The following SNX9 variants were observed in gnomAD, a reference collection of about 807,000 sequenced individuals.
SNX9 encodes the protein sorting nexin 9, also known as sorting nexin-9.
Under a neutral mutation model 89.4 loss-of-function variants are expected in SNX9, and 44 were observed. The observed-to-expected ratio is 0.49, with a 90% CI of 0.39 to 0.63. The LOEUF is 0.63. Among genes scored for constraint, SNX9 ranks in the 30% least tolerant of loss-of-function variants. SNX9 has a pLI of 0.00. For missense variants in SNX9, 578 were observed against 736.1 expected (o/e 0.79, Z 2.49); for synonymous variants, 236 against 247.8 (o/e 0.95, Z 0.45).
intron 1 of SNX9, among the ~76,000 whole-genome samples, chr6:157,862,641 A>G (rs1782163482): frequency 6.6e-6 from 1 of 152,236 alleles, no homozygotes; most frequent in Non-Finnish European, 1.5e-5. Flanking sequence ...TAGCTTTTGC[A>G]TTCTAACTCC....
At chr6:157,884,568 G>C (rs1782692777) in intron 4 of SNX9, among the ~76,000 whole-genome samples, 2 of 152,010 alleles carry the variant, frequency 1.3e-5, no homozygotes, top group South Asian at 4.2e-4. Flanking sequence ...TATTGAAAAG[G>C]TTCTTTCCAT....
intron 1 of SNX9, among the ~76,000 whole-genome samples, chr6:157,824,088 A>G (rs1781295596): frequency 6.6e-6 from 1 of 152,238 alleles, no homozygotes; most frequent in African/African-American, 2.4e-5. Context: ...GAGGGAAATG[A>G]CTGTGCTTTC....
intron 17 of SNX9, among the ~76,000 whole-genome samples, chr6:157,942,102 A>T (rs191011523): frequency 2.0e-5 from 3 of 152,250 alleles, no homozygotes; most frequent in Non-Finnish European, 2.9e-5. Context: ...CATGTATTTC[A>T]TCACTGTCTT....
rs146830182 is a variant in SNX9, at chr6:157,939,553, T to C, written c.1648+806T>C. Among the ~76,000 whole-genome samples, 1,007 of 152,246 alleles carry C rather than the reference T, an allele frequency of 6.6e-3. 11 individuals are homozygous for C. Among genetic ancestry groups the C allele is most frequent in the African/African-American group, 0.023 (966 of 41,530 alleles). On this transcript the variant is annotated intron_variant, in intron 16 of 17. Transcript: ENST00000392185. Reference sequence around the variant, plus strand: ...TGTTGTAGTCTGAGCTTTGAGGGCCTAAAGATGTGGTACTGGGGAGAAGAG... The same window carrying C: ...TGTTGTAGTCTGAGCTTTGAGGGCCCAAAGATGTGGTACTGGGGAGAAGAG...
intron 1 of SNX9, among the ~76,000 whole-genome samples, chr6:157,827,887 G>A (rs1010880057): frequency 1.2e-4 from 17 of 147,442 alleles, no homozygotes; most frequent in Admixed American, 1.2e-3. Context: ...TAACTCTTCG[G>A]TTCCAATACC....
At chr6:157,927,718 CTTTTTTTTTTT>C (rs761592456) in intron 11 of SNX9, among the ~76,000 whole-genome samples, 151 of 98,750 alleles carry the variant, frequency 1.5e-3, no homozygotes, top group African/African-American at 4.7e-3. Flanking sequence ...TAATTTTAAG[CTTTTTTTTTTT>C]TTTTTTTTTT....
intron 5 of SNX9, 130 bp from the exon 6 acceptor site, chr6:157,901,768 A>G (rs1783101372): frequency 2.0e-6 from 2 of 1,002,358 alleles, no homozygotes; most frequent in East Asian, 2.6e-5. Context: ...CTCCTATACT[A>G]TACCCTTTTC....
At chr6:157,885,774 G>A (rs755734566) in intron 4 of SNX9, among the ~76,000 whole-genome samples, 1 of 152,126 alleles carries the variant, frequency 6.6e-6, no homozygotes, top group Admixed American at 6.5e-5. Context: ...GTTAGCCTGC[G>A]ATTGGGAACT....
Position 157,944,537 on chromosome 6 carries a change from CTT to C in SNX9, c.*1703_*1704del, listed in dbSNP as rs1323044269. ...ATTCTCAAAGCACTTTTTCAAAACA[CTT>C]TTTGGACTTTGTGTGTGATTTTTGT... On this transcript the variant is annotated 3_prime_UTR_variant, in exon 18 of 18. Coordinates refer to ENST00000392185, the MANE Select transcript of SNX9 (RefSeq NM_016224.5). 6.6e-6 allele frequency: 1 copy of C among 152,410 alleles called. No individual in the cohort carries two copies. The highest frequency in any genetic ancestry group is 2.4e-5 in the African/African-American group (1 of 41,404). The allele number at this position is 152,410 out of a possible 1,614,324, so 9.4% of individuals were successfully genotyped here.
At chr6:157,825,472 G>A (rs1175902989) in intron 1 of SNX9, among the ~76,000 whole-genome samples, 1 of 152,100 alleles carries the variant, frequency 6.6e-6, no homozygotes, top group African/African-American at 2.4e-5. Flanking sequence ...AAATCGAAAA[G>A]TGGTTCTTGT....
chr6:157,901,991 C>T lies in SNX9; in HGVS notation c.566C>T (p.Ala189Val), dbSNP rs1443888375. 1.2e-6 allele frequency: 2 copies of T among 1,613,738 alleles called. No homozygotes were observed. The highest frequency in any genetic ancestry group is 1.7e-6 in the Non-Finnish European group (2 of 1,179,946). Residue 189 changes from alanine (A) to valine (V), a missense_variant, in exon 6 of 18, where the codon GCT (alanine) becomes GTT (valine). Transcript: ENST00000392185. ...TCAGAGTCAGCTGATGCAGGCGGCG[C>T]TCAGCGAGGAAACAGTCGTGCTAGT... ...KDSESADAGG[A>V]QRGNSRASSS...
At chr6:157,873,219 C>G (rs768469837) in intron 3 of SNX9, 43 bp downstream of exon 3, 5 of 1,456,884 alleles carry the variant, frequency 3.4e-6, no homozygotes, top group Non-Finnish European at 4.6e-6. Flanking sequence ...TCATCTTTGC[C>G]AGGCATCTTT....
intron 4 of SNX9, among the ~76,000 whole-genome samples, chr6:157,888,609 C>G (rs1441228104): frequency 6.6e-6 from 1 of 152,010 alleles, no homozygotes; most frequent in African/African-American, 2.4e-5. Flanking sequence ...TCGAAAGTCT[C>G]AGCCAGTCAC....
intron 13 of SNX9, among the ~76,000 whole-genome samples, chr6:157,934,683 C>G (rs899424701): frequency 6.6e-6 from 1 of 152,106 alleles, no homozygotes; most frequent in South Asian, 2.1e-4. Flanking sequence ...AATTATGTTA[C>G]TGTTGTTAGC....
chr6:157,881,202 A>C (rs543626011), intron 4 of SNX9, among the ~76,000 whole-genome samples: 1 of 152,298 alleles, frequency 6.6e-6, no homozygotes, highest in South Asian at 2.1e-4. Flanking sequence ...GCAATGTTTC[A>C]TACTTTTTCA....
chr6:157,907,961 G>A (rs978277769), intron 7 of SNX9, among the ~76,000 whole-genome samples: 6 of 152,162 alleles, frequency 3.9e-5, no homozygotes, highest in Non-Finnish European at 7.3e-5. Context: ...TCTCCCTGAG[G>A]GGGTTATAGT....
intron 1 of SNX9, among the ~76,000 whole-genome samples, chr6:157,850,995 C>A (rs750355150): frequency 3.9e-5 from 6 of 152,190 alleles, no homozygotes; most frequent in Non-Finnish European, 8.8e-5. Context: ...GTGGCTCATG[C>A]CTGTAATCCC....
At chr6:157,919,050 T>C (rs1176200751) in intron 9 of SNX9, among the ~76,000 whole-genome samples, 1 of 152,196 alleles carries the variant, frequency 6.6e-6, no homozygotes, top group Non-Finnish European at 1.5e-5. Context: ...ATATTTCCGG[T>C]GCTGCTTATT....
At chr6:157,922,957 T>G (rs1783613343) in intron 10 of SNX9, among the ~76,000 whole-genome samples, 1 of 152,360 alleles carries the variant, frequency 6.6e-6, no homozygotes, top group South Asian at 2.1e-4. Context: ...CCCACAAGAC[T>G]TTAACAAGAG....
Sources: gnomAD v4.1 joint callset for allele counts (sites outside exome capture counted in the v4.1 genomes callset) on GRCh38, gnomAD v4.1.1 for gene constraint, MANE v1.5 for transcripts, NCBI Gene and HGNC (gene_info 2026-07-23, HGNC 2026-07-21) for gene names.